Variants in SLC2A9 observed in about 807,000 individuals in gnomAD.
SLC2A9 encodes solute carrier family 2 member 9.
Under a neutral mutation model 50.6 loss-of-function variants are expected in SLC2A9, and 39 were observed. That is an observed-to-expected ratio of 0.77 (90% CI 0.60 to 1.01). SLC2A9 has a LOEUF of 1.01. SLC2A9 is among the 50% of genes least tolerant of loss of function. SLC2A9 has a pLI of 0.00. For synonymous variants in SLC2A9, 324 were observed against 276.9 expected (o/e 1.17, Z -1.69); for missense variants, 686 against 677.6 (o/e 1.01, Z -0.14).
In SLC2A9 at chr4:9,920,495, T is replaced by A. The variant is rs373738518; in HGVS notation, c.892A>T (p.Ser298Cys). The change falls in exon 7 of 12, where the codon AGC becomes TGC. Residue 298 changes from serine (S) to cysteine (C), a missense_variant. Physicochemically the swap from Ser to Cys is moderately radical, Grantham distance 112. Transcript: ENST00000264784. ...TCCAGCACGGACACCAGGCGGATGC[T>A]CCTCTGCACGCGGCTCTCAGCCAGG... ...EVLAESRVQR[S>C]IRLVSVLELL... The A allele has an allele frequency of 4.3e-6, 7 of 1,614,154 alleles. No homozygotes were observed. The African/African-American group carries it at 8.0e-5, about 18-fold the overall frequency.
At chr4:9,863,199 T>G (rs1356989172) in intron 10 of SLC2A9, among the ~76,000 whole-genome samples, 1 of 151,944 alleles carries the variant, frequency 6.6e-6, no homozygotes, top group East Asian at 1.9e-4. Context: ...CGGGCTGGAG[T>G]GCAGTGGCAT....
chr4:9,937,474 C>T (rs1747299358), intron 6 of SLC2A9, among the ~76,000 whole-genome samples: 1 of 152,180 alleles, frequency 6.6e-6, no homozygotes, highest in Non-Finnish European at 1.5e-5. Flanking sequence ...CCTATCTTGG[C>T]TCACATCTTA....
At chr4:9,797,764 C>T (rs1720760695), downstream of SLC2A9, among the ~76,000 whole-genome samples, 1 of 152,214 alleles carries the variant, frequency 6.6e-6, no homozygotes, top group Non-Finnish European at 1.5e-5. Flanking sequence ...CAGCACCAAA[C>T]ACTTAAGACA....
chr4:9,926,894 A>T (rs1174630148), intron 6 of SLC2A9, among the ~76,000 whole-genome samples: 2 of 152,084 alleles, frequency 1.3e-5, no homozygotes, highest in Non-Finnish European at 2.9e-5. Context: ...GGTTGGAGTG[A>T]TGCAGCTGCA....
downstream of SLC2A9, among the ~76,000 whole-genome samples, chr4:9,822,334 G>T (rs1724519814): frequency 1.3e-5 from 2 of 151,786 alleles, no homozygotes; most frequent in South Asian, 4.2e-4. Context: ...CCCTGTGTTT[G>T]CTTTTTGAAT....
upstream of SLC2A9, among the ~76,000 whole-genome samples, chr4:10,025,072 T>C (rs1197814896): frequency 3.3e-5 from 5 of 152,226 alleles, no homozygotes. Flanking sequence ...GGGACAATGA[T>C]GTTCAGCTTG....
chr4:10,015,387 G>A (rs1257464497), intron 2 of SLC2A9, among the ~76,000 whole-genome samples: 1 of 152,206 alleles, frequency 6.6e-6, no homozygotes, highest in East Asian at 1.9e-4. Context: ...GCCACCTCCT[G>A]GCTGTGTGAA....
rs372044492 is a variant in SLC2A9 at position 10,036,093 on chromosome 4, C to CCCAT, written c.-41+4033_-41+4036dup. On this transcript the variant is annotated intron_variant, in intron 1 of 12. Transcript: ENST00000309065. ...CATGTGAGCCAATTCCATAATAAAT[C>CCCAT]CCATCCATCCATCCATCCATCCATC... 310 of 187,488 alleles carry CCCAT rather than the reference C, an allele frequency of 1.7e-3. 6 individuals are homozygous for CCCAT. The East Asian group carries it at 0.041, about 25-fold the overall frequency. The allele number at this position is 187,488 out of a possible 1,614,324, so 11.6% of individuals were successfully genotyped here. A position where few individuals can be genotyped will look rare whatever the true frequency, so the allele number is the denominator to read the frequency against.
chr4:10,033,640 TGTTA>T (rs935611340), intron 1 of SLC2A9, among the ~76,000 whole-genome samples: 7 of 152,282 alleles, frequency 4.6e-5, no homozygotes, highest in Non-Finnish European at 1.0e-4. Flanking sequence ...CAGACTTCCG[TGTTA>T]GTTACCCCAA....
chr4:9,872,447 T>C (rs759698407), intron 10 of SLC2A9, among the ~76,000 whole-genome samples: 10 of 152,336 alleles, frequency 6.6e-5, no homozygotes, highest in African/African-American at 2.4e-4. Flanking sequence ...TCTGTGAATG[T>C]GCAGGAATCC....
chr4:9,955,568 T>C (rs2108880898), intron 5 of SLC2A9, among the ~76,000 whole-genome samples: 1 of 152,018 alleles, frequency 6.6e-6, no homozygotes, highest in African/African-American at 2.4e-5. Context: ...AGTCGCTCCC[T>C]TGGTGCTCTC....
At chr4:9,960,074 A>G (rs959946556) in intron 5 of SLC2A9, among the ~76,000 whole-genome samples, 3 of 110,908 alleles carry the variant, frequency 2.7e-5, no homozygotes, top group African/African-American at 3.8e-5. Context: ...AGTGGGCATT[A>G]CTTGGAAAAG....
chr4:9,920,712 T>C (rs1743783922), intron 6 of SLC2A9, 140 bp from the exon 7 acceptor site: 2 of 923,620 alleles, frequency 2.2e-6, no homozygotes, highest in Non-Finnish European at 3.4e-6. Flanking sequence ...CCTTTGAAAC[T>C]ATGGAGTCCA....
chr4:9,893,714 T>C (rs1313034297), intron 8 of SLC2A9, among the ~76,000 whole-genome samples: 1 of 152,016 alleles, frequency 6.6e-6, no homozygotes, highest in East Asian at 1.9e-4. Context: ...CAGTGCAACA[T>C]GGGCAAGGGA....
chr4:9,862,830 T>C lies in SLC2A9; in HGVS notation c.1291+24737A>G, dbSNP rs192585541. On this transcript the variant is annotated intron_variant, in intron 10 of 11. Transcript: ENST00000264784. ...TCAATATTTATTAGCTTACCAGTAA[T>C]GGCTCTATAAATATACATTTGTAGT... Among the ~76,000 whole-genome samples, 400 of 152,214 alleles carry C rather than the reference T, an allele frequency of 2.6e-3. 2 individuals are homozygous for C. The highest frequency in any genetic ancestry group is 3.1e-3 in the Non-Finnish European group (214 of 68,032).
At chr4:9,779,118 G>T (rs1717969416), downstream of SLC2A9, among the ~76,000 whole-genome samples, 1 of 152,148 alleles carries the variant, frequency 6.6e-6, no homozygotes, top group Non-Finnish European at 1.5e-5. Flanking sequence ...CCAGATGAGA[G>T]AACTGAAGCT....
upstream of SLC2A9, chr4:10,025,868 A>G (rs776997179): frequency 2.5e-6 from 4 of 1,602,566 alleles, no homozygotes; most frequent in South Asian, 2.2e-5. Context: ...GACCGGAATA[A>G]TCATGTAAGG....
At chr4:9,858,320 G>A (rs531190646) in intron 10 of SLC2A9, among the ~76,000 whole-genome samples, 58 of 152,260 alleles carry the variant, frequency 3.8e-4, no homozygotes, top group African/African-American at 1.3e-3. Context: ...TGCTGTGAAC[G>A]CATTTCAACA....
rs1761355996 is a variant in SLC2A9 at position 10,009,259 on chromosome 4, C to T, written c.249+9716G>A. On this transcript the variant is annotated intron_variant, in intron 2 of 11. Coordinates refer to ENST00000264784, the MANE Select transcript of SLC2A9 (RefSeq NM_020041.3). ...CACCTGCCAGGCGACATGCTTCTTT[C>T]TCTAAGAGCGCCTGGGTTCCCAGAG... Among the ~76,000 whole-genome samples, 5 of 152,214 alleles carry T rather than the reference C, an allele frequency of 3.3e-5. No individual in the cohort carries two copies. In the South Asian group the frequency reaches 1.0e-3, roughly 31 times the overall value.
Sources: allele counts gnomAD v4.1 joint callset (sites outside exome capture counted in the v4.1 genomes callset), GRCh38; gene constraint gnomAD v4.1.1; transcripts MANE v1.5; gene names NCBI Gene and HGNC (gene_info 2026-07-23, HGNC 2026-07-21).